The following CDIP1 variants were observed in gnomAD, a reference collection of about 807,000 sequenced individuals.
CDIP1 encodes the protein cell death inducing p53 target 1, also known as cell death-inducing p53-target protein 1.
In CDIP1, 9 loss-of-function variants were observed where a neutral mutation model predicts 17.7. The observed-to-expected ratio is 0.51, with a 90% CI of 0.31 to 0.89. The LOEUF is 0.89. Ranked by LOEUF, CDIP1 falls within the 40% of genes least tolerant of loss-of-function variation. The pLI is 0.05. For synonymous variants in CDIP1, 117 were observed against 109.5 expected (o/e 1.07, Z -0.43); for missense variants, 263 against 277.9 (o/e 0.95, Z 0.38).
intron 1 of CDIP1, among the ~76,000 whole-genome samples, chr16:4,521,349 A>T (rs2058945818): frequency 6.6e-6 from 1 of 152,160 alleles, no homozygotes. Context: ...TCACATTTCA[A>T]GAACTGCTGT....
chr16:4,527,959 C>T (rs370655223), intron 1 of CDIP1, among the ~76,000 whole-genome samples: 3 of 151,848 alleles, frequency 2.0e-5, no homozygotes, highest in Non-Finnish European at 2.9e-5. Context: ...AAGGATTACA[C>T]GCACCCGCCA....
In CDIP1 at chr16:4,510,672, G is replaced by A. The variant is rs1332077148; in HGVS notation, c.*1900C>T. On this transcript the variant is annotated 3_prime_UTR_variant, in exon 6 of 6. Transcript: ENST00000567695. ...AAGGGTTTTAAAAAAGCACATATTTGTATTTAAACAATTCATTCTCTAAAA... is the reference window on the plus strand; with the variant it reads ...AAGGGTTTTAAAAAAGCACATATTTATATTTAAACAATTCATTCTCTAAAA... 6.6e-6 allele frequency: 1 copy of A among 152,016 alleles called. No homozygotes were observed. The highest frequency in any genetic ancestry group is 1.9e-4 in the East Asian group (1 of 5,198). The allele number at this position is 152,016 out of a possible 1,614,324, so 9.4% of individuals were successfully genotyped here.
Position 4,513,873 on chromosome 16 carries a change from G to C in CDIP1, c.86-22C>G. On this transcript the variant is annotated intron_variant, in intron 3 of 5. Coordinates refer to ENST00000567695, the MANE Select transcript of CDIP1 (RefSeq NM_013399.3). The surrounding 1 kb of genome is among the most constrained non-coding windows in gnomAD (Gnocchi z 4.1). Reference sequence around the variant, plus strand: ...CGGCCTGGACAGAGAGAGGCAGAAAGAGGAGACTGAGCTGGAGCCTCTGCA... The same window carrying C: ...CGGCCTGGACAGAGAGAGGCAGAAACAGGAGACTGAGCTGGAGCCTCTGCA... 6.5e-7 allele frequency: 1 copy of C among 1,541,930 alleles called. No homozygotes were observed.
intron 1 of CDIP1, among the ~76,000 whole-genome samples, chr16:4,520,408 G>C (rs2058933598): frequency 6.6e-6 from 1 of 152,176 alleles, no homozygotes; most frequent in African/African-American, 2.4e-5. Context: ...TGACCGACAA[G>C]TGGTAGTTTC....
intron 1 of CDIP1, among the ~76,000 whole-genome samples, chr16:4,530,206 T>C (rs1199042423): frequency 6.6e-6 from 1 of 152,210 alleles, no homozygotes; most frequent in Non-Finnish European, 1.5e-5. Context: ...TAATTTGTAT[T>C]TTACACTACA....
chr16:4,527,049 C>G (rs1047974521), intron 1 of CDIP1, among the ~76,000 whole-genome samples: 1 of 151,268 alleles, frequency 6.6e-6, no homozygotes, highest in Admixed American at 6.6e-5. Flanking sequence ...GCCACAGGAG[C>G]CTGAGAGAGG....
chr16:4,529,429 C>A (rs1430402705), intron 1 of CDIP1, among the ~76,000 whole-genome samples: 1 of 152,198 alleles, frequency 6.6e-6, no homozygotes, highest in Non-Finnish European at 1.5e-5. Context: ...GGACTCTGAA[C>A]TACCTCCCAG....
chr16:4,513,876 G>A lies in CDIP1; in HGVS notation c.86-25C>T. ...CCTGGACAGAGAGAGGCAGAAAGAG[G>A]AGACTGAGCTGGAGCCTCTGCACGA... On this transcript the variant is annotated intron_variant, in intron 3 of 5. Coordinates refer to ENST00000567695, the MANE Select transcript of CDIP1 (RefSeq NM_013399.3). The surrounding 1 kb of genome is among the most constrained non-coding windows in gnomAD (Gnocchi z 4.1). 1.3e-6 allele frequency: 2 copies of A among 1,540,508 alleles called. No homozygotes were observed. The highest frequency in any genetic ancestry group is 1.7e-6 in the Non-Finnish European group (2 of 1,145,930).
chr16:4,524,538 T>C lies in CDIP1; in HGVS notation c.-104-9874A>G, dbSNP rs184817913. Among the ~76,000 whole-genome samples the C allele has an allele frequency of 2.5e-3, 381 of 152,294 alleles. 5 individuals are homozygous for C. The highest frequency in any genetic ancestry group is 1.2e-3 in the Non-Finnish European group (82 of 68,030). ...GAAGTGTCCAGACCATAAGAAGGCA[T>C]TCAGGGCAAGCCGACTCAGCCCGGA... On this transcript the variant is annotated intron_variant, in intron 1 of 5. Coordinates refer to ENST00000567695, the MANE Select transcript of CDIP1 (RefSeq NM_013399.3).
intron 1 of CDIP1, among the ~76,000 whole-genome samples, chr16:4,519,777 C>T (rs1015498095): frequency 5.9e-5 from 9 of 151,878 alleles, no homozygotes; most frequent in African/African-American, 1.9e-4. Context: ...AAGAGCCCAG[C>T]GCTTCCCCTC....
chr16:4,524,440 G>C (rs1171563366), intron 1 of CDIP1: 1 of 152,280 alleles, frequency 6.6e-6, no homozygotes, highest in Non-Finnish European at 1.5e-5. Flanking sequence ...TTTCACTCAG[G>C]GCAAGTCCAT....
intron 1 of CDIP1, among the ~76,000 whole-genome samples, chr16:4,526,169 G>A (rs2058998302): frequency 6.6e-6 from 1 of 152,170 alleles, no homozygotes; most frequent in Non-Finnish European, 1.5e-5. Flanking sequence ...CACTTTGGGA[G>A]GCAGAGGTGG....
intron 1 of CDIP1, among the ~76,000 whole-genome samples, chr16:4,536,975 T>G (rs2059114022): frequency 6.6e-6 from 1 of 152,090 alleles, no homozygotes; most frequent in Non-Finnish European, 1.5e-5. Context: ...GTAAAGCTCT[T>G]CCCTGGTTCT....
At chr16:4,521,627 C>T (rs1187314848) in intron 1 of CDIP1, among the ~76,000 whole-genome samples, 2 of 150,640 alleles carry the variant, frequency 1.3e-5, no homozygotes, top group East Asian at 3.9e-4. Context: ...CTCGGGGAGG[C>T]CGAGACGGGA....
chr16:4,534,268 A>C (rs776092080), intron 1 of CDIP1, among the ~76,000 whole-genome samples: 7 of 152,136 alleles, frequency 4.6e-5, no homozygotes, highest in Non-Finnish European at 7.3e-5. Context: ...TGCCATTCTT[A>C]ACCCAAAGGC....
Position 4,511,591 on chromosome 16 carries a change from C to T in CDIP1, c.*981G>A, listed in dbSNP as rs1355622437. Reference sequence around the variant, plus strand: ...CAGGAGCAGGTGTGAGCAGGCACAGCAACAGCCTGTCAGCTGGGGTGAGGG... The same window carrying T: ...CAGGAGCAGGTGTGAGCAGGCACAGTAACAGCCTGTCAGCTGGGGTGAGGG... On this transcript the variant is annotated 3_prime_UTR_variant, in exon 6 of 6. Transcript: ENST00000567695. 2 of 152,342 alleles carry T rather than the reference C, an allele frequency of 1.3e-5. No individual in the cohort carries two copies. The highest frequency in any genetic ancestry group is 4.8e-5 in the African/African-American group (2 of 41,446). 9.4% of individuals were successfully genotyped at this position (152,342 alleles called of 1,614,324 possible).
In CDIP1 at chr16:4,525,911, C is replaced by T. The variant is rs551401085; in HGVS notation, c.-104-11247G>A. On this transcript the variant is annotated intron_variant, in intron 1 of 5. Coordinates refer to ENST00000567695, the MANE Select transcript of CDIP1 (RefSeq NM_013399.3). ...ACAGTCCCTCCCTCAGATAACATCG[C>T]GGGTGGCTCTGAACCATTTATTTAT... Among the ~76,000 whole-genome samples, 20 of 152,296 alleles carry T rather than the reference C, an allele frequency of 1.3e-4. 1 individual carries two copies. In the South Asian group the frequency reaches 3.7e-3, roughly 28 times the overall value.
At chr16:4,523,448 A>C (rs1227462921) in intron 1 of CDIP1, among the ~76,000 whole-genome samples, 1 of 152,128 alleles carries the variant, frequency 6.6e-6, no homozygotes, top group Non-Finnish European at 1.5e-5. Flanking sequence ...CAGGAGGCGG[A>C]GGTTGTAGTG....
chr16:4,525,621 G>A (rs555800512), intron 1 of CDIP1, among the ~76,000 whole-genome samples: 1 of 152,338 alleles, frequency 6.6e-6, no homozygotes, highest in East Asian at 1.9e-4. Context: ...ACCAGGCCAG[G>A]ATTCCCTGTG....
Sources: allele counts gnomAD v4.1 joint callset (sites outside exome capture counted in the v4.1 genomes callset), GRCh38; gene constraint gnomAD v4.1.1; non-coding constraint Gnocchi (gnomAD v3.1); transcripts MANE v1.5; gene names NCBI Gene and HGNC (gene_info 2026-07-23, HGNC 2026-07-21).